The following LMO2 variants were observed in gnomAD, a reference collection of about 807,000 sequenced individuals.
The protein encoded by LMO2 is LIM domain only 2, also known as rhombotin-2.
LMO2 carries 20 observed loss-of-function variants against 23.2 expected under a neutral mutation model. The ratio of observed to expected loss-of-function variants is 0.86; its 90% confidence interval spans 0.61 to 1.25. LMO2 has a LOEUF of 1.25. Ranked by LOEUF, LMO2 falls within the 50% of genes most tolerant of loss-of-function variation. The pLI is 0.00. For synonymous variants in LMO2, 123 were observed against 130.2 expected (o/e 0.94, Z 0.38); for missense variants, 270 against 315.3 (o/e 0.86, Z 1.09).
intron 2 of LMO2, among the ~76,000 whole-genome samples, chr11:33,879,668 A>G (rs1220142697): frequency 6.6e-6 from 1 of 152,102 alleles, no homozygotes; most frequent in Non-Finnish European, 1.5e-5. Flanking sequence ...CTGGATTTAA[A>G]CAATCCAGTT....
chr11:33,863,150 G>T (rs1045079474), intron 5 of LMO2, among the ~76,000 whole-genome samples: 1 of 152,062 alleles, frequency 6.6e-6, no homozygotes, highest in Non-Finnish European at 1.5e-5. Flanking sequence ...TCATTTACCC[G>T]TCTGCCCTCT....
chr11:33,863,168 T>C (rs1856647001), intron 5 of LMO2, among the ~76,000 whole-genome samples: 1 of 152,148 alleles, frequency 6.6e-6, no homozygotes, highest in Admixed American at 6.6e-5. Flanking sequence ...TCTCACTGAC[T>C]TGGCAAACTG....
At chr11:33,887,476 G>A (rs1692497049) in intron 1 of LMO2, among the ~76,000 whole-genome samples, 1 of 151,980 alleles carries the variant, frequency 6.6e-6, no homozygotes, top group Non-Finnish European at 1.5e-5. Context: ...TTGATTATGG[G>A]TGGGAAACGT....
At chr11:33,874,365 G>A (rs889762166) in intron 2 of LMO2, among the ~76,000 whole-genome samples, 9 of 152,162 alleles carry the variant, frequency 5.9e-5, no homozygotes, top group African/African-American at 1.9e-4. Context: ...CGTGATCTGG[G>A]GGAATTTACT....
In LMO2 at chr11:33,880,215, C is replaced by CATATATACACATGATATATA; in HGVS notation, c.-272+1589_-272+1608dup. ...TCATATATACACATGATATATATAT[C>CATATATACACATGATATATA]ATATATACACATGATATATATATCA... On this transcript the variant is annotated intron_variant, in intron 2 of 5. Transcript: ENST00000257818. The surrounding 1 kb of genome is among the most constrained non-coding windows in gnomAD (Gnocchi z 4.3). Among the ~76,000 whole-genome samples the CATATATACACATGATATATA allele has an allele frequency of 2.1e-5, 3 of 144,702 alleles. No homozygotes were observed. The highest frequency in any genetic ancestry group is 4.5e-5 in the Non-Finnish European group (3 of 66,610). The allele number at this position is 144,702 out of a possible 152,430, so 94.9% of individuals were successfully genotyped here.
At chr11:33,867,793 T>A (rs193186085) in intron 4 of LMO2, among the ~76,000 whole-genome samples, 40 of 152,302 alleles carry the variant, frequency 2.6e-4, no homozygotes, top group Admixed American at 5.2e-4. Context: ...GAAGCAAACT[T>A]CCTTCAGGGA....
At chr11:33,883,589 A>G (rs1249623637) in intron 1 of LMO2, among the ~76,000 whole-genome samples, 2 of 152,186 alleles carry the variant, frequency 1.3e-5, no homozygotes, top group Admixed American at 6.5e-5. Flanking sequence ...TTAGGGAGAG[A>G]TCAGAGTGGA....
rs1856957857 is a variant in LMO2 at position 33,869,850 on chromosome 11, C to T, written c.-134G>A. Reference sequence around the variant, plus strand: ...CTTCGGCCCGGGTCGCGGCGCGCTGCTCGCCGCCGAGGGCAGAGAGGGGGC... The same window carrying T: ...CTTCGGCCCGGGTCGCGGCGCGCTGTTCGCCGCCGAGGGCAGAGAGGGGGC... On this transcript the variant is annotated 5_prime_UTR_variant, in exon 3 of 6. Coordinates refer to ENST00000257818, the MANE Select transcript of LMO2 (RefSeq NM_005574.4). 1.9e-6 allele frequency: 2 copies of T among 1,059,748 alleles called. No homozygotes were observed. Among genetic ancestry groups the T allele is most frequent in the South Asian group, 9.0e-5 (2 of 22,136 alleles). 65.6% of individuals were successfully genotyped at this position (1,059,748 alleles called of 1,614,324 possible).
rs76592872 is a variant in LMO2, at chr11:33,881,334, C to T, written c.-272+490G>A. On this transcript the variant is annotated intron_variant, in intron 2 of 5. Coordinates refer to ENST00000257818, the MANE Select transcript of LMO2 (RefSeq NM_005574.4). ...TTGTATTTCCTGCGTGGCCCTCCAT[C>T]TGGAAATATCTTTTATCTGGCAACT... 2,423 of 456,734 alleles carry T rather than the reference C, an allele frequency of 5.3e-3. 46 individuals are homozygous for T. The highest frequency in any genetic ancestry group is 0.044 in the African/African-American group (2,194 of 50,182). The allele number at this position is 456,734 out of a possible 1,614,324, so 28.3% of individuals were successfully genotyped here.
At position 33,865,736 on chromosome 11, in the gene LMO2, G is replaced by A. The variant is rs140737607; in HGVS notation, c.249-919C>T. Among the ~76,000 whole-genome samples, 36 of 152,310 alleles carry A rather than the reference G, an allele frequency of 2.4e-4. No individual in the cohort carries two copies. In the East Asian group the frequency reaches 4.4e-3, roughly 19 times the overall value. Reference sequence around the variant, plus strand: ...AATAGGCTGTGACACGTGTTCTTTCGTTAATACGCCATGCATAGCATCTCC... The same window carrying A: ...AATAGGCTGTGACACGTGTTCTTTCATTAATACGCCATGCATAGCATCTCC... On this transcript the variant is annotated intron_variant, in intron 4 of 5. Transcript: ENST00000257818.
rs906120307 is a variant in LMO2 at position 33,863,575 on chromosome 11, G to A, written c.464+1027C>T. On this transcript the variant is annotated intron_variant, in intron 5 of 5. Coordinates refer to ENST00000257818, the MANE Select transcript of LMO2 (RefSeq NM_005574.4). ...CACAGACCCTCTGCTCCAGGAAAAC[G>A]GAGAAATACTGACAGCTACACAGTT... Among the ~76,000 whole-genome samples, 8 of 152,180 alleles carry A rather than the reference G, an allele frequency of 5.3e-5. No homozygotes were observed. The East Asian group carries it at 7.7e-4, about 15-fold the overall frequency.
intron 2 of LMO2, among the ~76,000 whole-genome samples, chr11:33,878,303 T>C (rs1857185205): frequency 1.3e-5 from 2 of 152,220 alleles, no homozygotes; most frequent in Non-Finnish European, 2.9e-5. Flanking sequence ...TTCTGTGCAC[T>C]GTGTTACTCT....
chr11:33,869,243 C>G, intron 4 of LMO2, 103 bp downstream of exon 4: 2 of 831,684 alleles, frequency 2.4e-6, no homozygotes, highest in Non-Finnish European at 3.0e-6. Flanking sequence ...ACGCCGCGAG[C>G]GCGCACCTGG....
chr11:33,863,946 C>T (rs931343244), intron 5 of LMO2, among the ~76,000 whole-genome samples: 3 of 152,192 alleles, frequency 2.0e-5, no homozygotes, highest in Non-Finnish European at 4.4e-5. Context: ...GTGCTATTAT[C>T]ATCCCCATTT....
chr11:33,867,407 C>T (rs1439361090), intron 4 of LMO2, among the ~76,000 whole-genome samples: 2 of 152,126 alleles, frequency 1.3e-5, no homozygotes. Flanking sequence ...AAGATATTGG[C>T]TCTGTCTTTC....
At chr11:33,879,962 A>C (rs1466305430) in intron 2 of LMO2, among the ~76,000 whole-genome samples, 1 of 152,048 alleles carries the variant, frequency 6.6e-6, no homozygotes, top group African/African-American at 2.4e-5. Context: ...TTAAAAACAG[A>C]ATTACCATAT....
At chr11:33,879,393 G>A (rs1268170076) in intron 2 of LMO2, among the ~76,000 whole-genome samples, 1 of 151,802 alleles carries the variant, frequency 6.6e-6, no homozygotes, top group Non-Finnish European at 1.5e-5. Context: ...GCTGAGGTGG[G>A]TGGATCACCT....
At chr11:33,875,883 G>T (rs909284762) in intron 2 of LMO2, among the ~76,000 whole-genome samples, 2 of 152,186 alleles carry the variant, frequency 1.3e-5, no homozygotes, top group African/African-American at 4.8e-5. Flanking sequence ...CAGTGCCTGG[G>T]ACCCCGGCAC....
intron 1 of LMO2, among the ~76,000 whole-genome samples, chr11:33,888,626 C>T (rs774837144): frequency 6.6e-6 from 1 of 152,198 alleles, no homozygotes; most frequent in Non-Finnish European, 1.5e-5. Flanking sequence ...CTGAGTAAGA[C>T]ACTAATAACC....
Sources: allele counts gnomAD v4.1 joint callset (sites outside exome capture counted in the v4.1 genomes callset), GRCh38; gene constraint gnomAD v4.1.1; non-coding constraint Gnocchi (gnomAD v3.1); transcripts MANE v1.5; gene names NCBI Gene and HGNC (gene_info 2026-07-23, HGNC 2026-07-21).